The following IDO2 variants were observed in gnomAD, a reference collection of about 807,000 sequenced individuals.
IDO2 encodes indoleamine 2,3-dioxygenase 2.
Under a neutral mutation model 45.1 loss-of-function variants are expected in IDO2, and 46 were observed. The observed-to-expected ratio is 1.02, with a 90% CI of 0.80 to 1.30. The LOEUF (loss-of-function observed/expected upper bound fraction) is 1.30, where lower values mean the gene tolerates loss of function less well. Ranked by LOEUF, IDO2 falls within the 50% of genes most tolerant of loss-of-function variation. The probability of loss-of-function intolerance (pLI) is 0.00; values close to 1 mark genes in which losing one functional copy is unlikely to be tolerated. For missense variants in IDO2, 544 were observed against 491.8 expected (o/e 1.11, Z -1.00); for synonymous variants, 218 against 184.9 (o/e 1.18, Z -1.45).
intron 1 of IDO2, among the ~76,000 whole-genome samples, chr8:39,937,839 TGA>T (rs1807580925): frequency 2.6e-5 from 4 of 152,244 alleles, no homozygotes; most frequent in Admixed American, 2.0e-4. Context: ...TGTATTTTAA[TGA>T]GACAACAAAG....
intron 8 of IDO2, among the ~76,000 whole-genome samples, chr8:39,994,715 C>T (rs561066957): frequency 4.8e-4 from 65 of 135,816 alleles, no homozygotes; most frequent in Middle Eastern, 3.8e-3. Flanking sequence ...GAAATTGTTC[C>T]TACCTTATAA....
intron 8 of IDO2, among the ~76,000 whole-genome samples, chr8:39,997,531 T>G (rs2015592): frequency 0.74 from 111,705 of 151,906 alleles, 41,320 homozygotes; most frequent in East Asian, 0.92. Flanking sequence ...AATTAGATGG[T>G]AATGGTGGTG....
At chr8:39,989,933 G>A in intron 8 of IDO2, 95 bp downstream of exon 8, 1 of 700,856 alleles carries the variant, frequency 1.4e-6, no homozygotes, top group South Asian at 2.0e-5. Context: ...CCTGAAGGGG[G>A]TGATAATACA....
At chr8:39,943,159 G>A (rs554149281) in intron 1 of IDO2, among the ~76,000 whole-genome samples, 7 of 151,532 alleles carry the variant, frequency 4.6e-5, no homozygotes, top group African/African-American at 1.7e-4. Context: ...CTTGAGGTCA[G>A]GAGTTTGAGA....
intron 3 of IDO2, among the ~76,000 whole-genome samples, chr8:39,967,497 C>CT (rs899199666): frequency 5.6e-5 from 8 of 142,240 alleles, no homozygotes; most frequent in South Asian, 2.2e-4. Flanking sequence ...AGTTTCTTTT[C>CT]TTTTTTTTGA....
rs533007897 is a variant in IDO2, at chr8:39,959,135, T to C, written c.100-4473T>C. ...GATTTTTTTTTTTTTTTTGAGACAG[T>C]GTCTCGCTCTGTCGCCCAGGCTGGA... On this transcript the variant is annotated intron_variant, in intron 2 of 10. Transcript: ENST00000502986. 2.9e-4 allele frequency among the ~76,000 whole-genome samples: 44 copies of C among 149,808 alleles called. No homozygotes were observed. In the East Asian group the frequency reaches 8.7e-3, roughly 30 times the overall value.
At chr8:39,940,420 G>A (rs1028202649) in intron 1 of IDO2, among the ~76,000 whole-genome samples, 6 of 152,278 alleles carry the variant, frequency 3.9e-5, no homozygotes, top group Non-Finnish European at 8.8e-5. Context: ...GGAAAGATGA[G>A]GTTACTACAT....
intron 3 of IDO2, among the ~76,000 whole-genome samples, chr8:39,977,886 A>G (rs1258974748): frequency 6.6e-6 from 1 of 152,206 alleles, no homozygotes; most frequent in African/African-American, 2.4e-5. Flanking sequence ...GCAACATGTA[A>G]TAATCACATC....
chr8:40,008,016 G>A (rs79182919), intron 9 of IDO2, among the ~76,000 whole-genome samples: 1 of 118,966 alleles, frequency 8.4e-6, no homozygotes, highest in Non-Finnish European at 1.8e-5. Flanking sequence ...CTTATCATGT[G>A]TTTTTTTTTT....
intron 3 of IDO2, among the ~76,000 whole-genome samples, chr8:39,970,670 C>G (rs1808163692): frequency 6.6e-6 from 1 of 151,502 alleles, no homozygotes; most frequent in Non-Finnish European, 1.5e-5. Context: ...GGATTACAGG[C>G]ATGAGCCACC....
intron 6 of IDO2, 195 bp downstream of exon 6, chr8:39,985,717 G>A: frequency 1.8e-6 from 1 of 565,732 alleles, no homozygotes. Context: ...CCTCTTCCTT[G>A]TATAGATAAG....
chr8:39,986,920 G>C (rs1220179541), intron 6 of IDO2: 4 of 147,056 alleles, frequency 2.7e-5, no homozygotes, highest in Middle Eastern at 3.4e-3. Context: ...TATCTCCCAG[G>C]CTGGAGTGCA....
intron 8 of IDO2, among the ~76,000 whole-genome samples, chr8:40,000,023 A>C (rs1802109845): frequency 6.6e-6 from 1 of 152,220 alleles, no homozygotes; most frequent in South Asian, 2.1e-4. Flanking sequence ...AGACTTCATA[A>C]ATTAATTTCT....
At chr8:39,947,171 CAAAAAAAAAAAAA>C (rs55785952) in intron 1 of IDO2, among the ~76,000 whole-genome samples, 11 of 80,038 alleles carry the variant, frequency 1.4e-4, no homozygotes, top group African/African-American at 5.5e-4. Context: ...GCTAAGGTAT[CAAAAAAAAAAAAA>C]AAAAAAAAAA....
At chr8:39,945,584 T>C (rs748497083) in intron 1 of IDO2, among the ~76,000 whole-genome samples, 1 of 152,152 alleles carries the variant, frequency 6.6e-6, no homozygotes, top group African/African-American at 2.4e-5. Context: ...AAAGGGCTGG[T>C]TTCTGTTTAG....
At chr8:39,969,568 C>T (rs1373471356) in intron 3 of IDO2, among the ~76,000 whole-genome samples, 2 of 152,154 alleles carry the variant, frequency 1.3e-5, no homozygotes, top group Non-Finnish European at 2.9e-5. Flanking sequence ...TTGCATGTCT[C>T]TCACTTTAAA....
At chr8:39,968,476 A>G (rs1563430225) in intron 3 of IDO2, among the ~76,000 whole-genome samples, 1 of 152,192 alleles carries the variant, frequency 6.6e-6, no homozygotes, top group Non-Finnish European at 1.5e-5. Flanking sequence ...AACCCATGGA[A>G]TTGTATGTCA....
chr8:39,989,625 C>A, intron 7 of IDO2, 96 bp from the exon 8 acceptor site: 1 of 838,274 alleles, frequency 1.2e-6, no homozygotes, highest in South Asian at 1.8e-5. Context: ...ACAAACTGTC[C>A]GGTCCTCCCC....
chr8:39,995,081 C>T (rs893830747), intron 8 of IDO2: 4 of 152,206 alleles, frequency 2.6e-5, no homozygotes, highest in African/African-American at 9.7e-5. Context: ...GGAACCTTAA[C>T]ATTTCAATTA....
Sources: allele counts gnomAD v4.1 joint callset (sites outside exome capture counted in the v4.1 genomes callset), GRCh38; gene constraint gnomAD v4.1.1; transcripts MANE v1.5; gene names NCBI Gene and HGNC (gene_info 2026-07-23, HGNC 2026-07-21).